The following KHDRBS2 variants were observed in gnomAD, a reference collection of about 807,000 sequenced individuals.
KHDRBS2 encodes KH RNA binding domain containing, signal transduction associated 2.
In KHDRBS2, 26 loss-of-function variants were observed where a neutral mutation model predicts 44.3. The ratio of observed to expected loss-of-function variants is 0.59; its 90% CI spans 0.43 to 0.81. The LOEUF is 0.81. KHDRBS2 is among the 40% of genes least tolerant of loss of function. KHDRBS2 has a pLI of 0.00. For synonymous variants in KHDRBS2, 194 were observed against 151.1 expected (o/e 1.28, Z -2.08); for missense variants, 476 against 433.1 (o/e 1.10, Z -0.88).
intron 3 of KHDRBS2, among the ~76,000 whole-genome samples, chr6:61,983,250 T>C (rs1774343381): frequency 1.4e-5 from 2 of 143,196 alleles, no homozygotes; most frequent in African/African-American, 2.6e-5. Context: ...TTTTTTTTTT[T>C]TTTTTTTATA....
At chr6:61,768,449 C>A (rs1381210329) in intron 6 of KHDRBS2, among the ~76,000 whole-genome samples, 5 of 151,886 alleles carry the variant, frequency 3.3e-5, no homozygotes, top group Non-Finnish European at 7.4e-5. Context: ...CTTACTACAC[C>A]CATCCCTTTC....
intron 2 of KHDRBS2, among the ~76,000 whole-genome samples, chr6:62,094,571 T>C (rs898043319): frequency 1.3e-5 from 2 of 151,940 alleles, no homozygotes; most frequent in Non-Finnish European, 2.9e-5. Flanking sequence ...TTGCTGCCTA[T>C]GTCTTTGTGT....
At chr6:62,098,016 A>C (rs1029655124) in intron 2 of KHDRBS2, among the ~76,000 whole-genome samples, 3 of 152,138 alleles carry the variant, frequency 2.0e-5, no homozygotes. Flanking sequence ...CAAACAAAAA[A>C]AGTCTACACT....
chr6:61,964,348 C>A (rs137981257), intron 4 of KHDRBS2, among the ~76,000 whole-genome samples: 536 of 152,092 alleles, frequency 3.5e-3, no homozygotes, highest in Middle Eastern at 6.8e-3. Context: ...AATGACGGCA[C>A]AAGCAATCGC....
chr6:62,090,992 C>A (rs951594000), intron 2 of KHDRBS2, among the ~76,000 whole-genome samples: 1 of 152,110 alleles, frequency 6.6e-6, no homozygotes, highest in Non-Finnish European at 1.5e-5. Flanking sequence ...ATCTGATTTC[C>A]ACAACCTATG....
chr6:62,105,579 T>A (rs1244568009), intron 2 of KHDRBS2, among the ~76,000 whole-genome samples: 1 of 152,202 alleles, frequency 6.6e-6, no homozygotes, highest in Non-Finnish European at 1.5e-5. Context: ...GTGTTTGTAG[T>A]ATTCTGTGAT....
chr6:61,865,035 A>G (rs1797572607), intron 6 of KHDRBS2, among the ~76,000 whole-genome samples: 1 of 152,024 alleles, frequency 6.6e-6, no homozygotes, highest in Non-Finnish European at 1.5e-5. Context: ...AAGCTCTGAG[A>G]TTCTTTCCTC....
At chr6:61,657,796 T>C in the KHDRBS2 span, among the ~76,000 whole-genome samples, 1 of 151,974 alleles carries the variant, frequency 6.6e-6, no homozygotes, top group Non-Finnish European at 1.5e-5. Context: ...TCATATGCCT[T>C]TTCCACCTGT....
At chr6:62,024,591 T>C (rs1408644523) in intron 3 of KHDRBS2, among the ~76,000 whole-genome samples, 1 of 151,622 alleles carries the variant, frequency 6.6e-6, no homozygotes, top group African/African-American at 2.4e-5. Context: ...AATAATTTTA[T>C]TGACTTATCA....
intron 6 of KHDRBS2, among the ~76,000 whole-genome samples, chr6:61,818,867 C>T (rs1005544418): frequency 5.3e-5 from 8 of 151,852 alleles, no homozygotes; most frequent in South Asian, 4.1e-4. Context: ...TTACTTTGAG[C>T]GATATTTTTT....
At chr6:62,237,875 C>A (rs1185184817) in intron 1 of KHDRBS2, among the ~76,000 whole-genome samples, 1 of 151,956 alleles carries the variant, frequency 6.6e-6, no homozygotes, top group Non-Finnish European at 1.5e-5. Context: ...TCCTTCTCTA[C>A]TAAAGATAAA....
chr6:61,962,709 T>A (rs1399304483), intron 4 of KHDRBS2, among the ~76,000 whole-genome samples: 1 of 152,074 alleles, frequency 6.6e-6, no homozygotes, highest in African/African-American at 2.4e-5. Flanking sequence ...ATTATCAATT[T>A]TCATCTTCGC....
the KHDRBS2 span, among the ~76,000 whole-genome samples, chr6:61,587,421 A>G: frequency 6.6e-6 from 1 of 152,014 alleles, no homozygotes; most frequent in Admixed American, 6.6e-5. Flanking sequence ...CTGTGAGAGC[A>G]CATTTCCAGA....
chr6:61,707,143 GA>G (rs34273995), intron 7 of KHDRBS2, among the ~76,000 whole-genome samples: 1 of 151,582 alleles, frequency 6.6e-6, no homozygotes, highest in African/African-American at 2.4e-5. Context: ...AGCATTCTAG[GA>G]AAAAAGAATA....
chr6:61,692,904 AG>A (rs999879966), intron 8 of KHDRBS2, among the ~76,000 whole-genome samples: 9 of 152,046 alleles, frequency 5.9e-5, no homozygotes, highest in African/African-American at 2.2e-4. Flanking sequence ...CTCCAAGTCT[AG>A]GGGGTTGCCA....
At chr6:61,572,397 G>T in the KHDRBS2 span, among the ~76,000 whole-genome samples, 1 of 152,068 alleles carries the variant, frequency 6.6e-6, no homozygotes, top group African/African-American at 2.4e-5. Context: ...GACATTCAAA[G>T]AAGAATCAGT....
At chr6:61,890,435 C>G (rs1488412293) in intron 6 of KHDRBS2, among the ~76,000 whole-genome samples, 1 of 152,148 alleles carries the variant, frequency 6.6e-6, no homozygotes, top group Non-Finnish European at 1.5e-5. Flanking sequence ...CTGATGTATT[C>G]ACTATAAATT....
intron 8 of KHDRBS2, among the ~76,000 whole-genome samples, chr6:61,693,451 A>T (rs368661085): frequency 1.3e-5 from 2 of 152,138 alleles, no homozygotes; most frequent in East Asian, 1.9e-4. Context: ...GAGCAAGAAG[A>T]TTCTCAAAAT....
chr6:62,098,291 A>T (rs531865935), intron 2 of KHDRBS2, among the ~76,000 whole-genome samples: 112 of 141,156 alleles, frequency 7.9e-4, no homozygotes, highest in African/African-American at 2.7e-3. Flanking sequence ...TTCTTTCAGT[A>T]TAAAGAACTC....
Sources: allele counts gnomAD v4.1 joint callset (sites outside exome capture counted in the v4.1 genomes callset), GRCh38; gene constraint gnomAD v4.1.1; transcripts MANE v1.5; gene names NCBI Gene and HGNC (gene_info 2026-07-23, HGNC 2026-07-21).